Variants in ZFP28 observed in about 807,000 individuals in gnomAD.
The protein encoded by ZFP28 is ZFP28 zinc finger protein.
ZFP28 carries 31 observed loss-of-function variants against 39.5 expected under a neutral mutation model. That is an observed-to-expected ratio of 0.79 (90% CI 0.59 to 1.06). The LOEUF is 1.06. ZFP28 is among the 50% of genes least tolerant of loss of function. The pLI, the probability that ZFP28 is intolerant of heterozygous loss-of-function variation, is 0.00. For missense variants in ZFP28, 925 were observed against 1,048.4 expected (o/e 0.88, Z 1.63); for synonymous variants, 400 against 378.6 (o/e 1.06, Z -0.66).
At chr19:56,542,400 G>A (rs928365888) in intron 2 of ZFP28, among the ~76,000 whole-genome samples, 6 of 152,174 alleles carry the variant, frequency 3.9e-5, no homozygotes, top group Non-Finnish European at 8.8e-5. Context: ...GCAACCGCCC[G>A]CCTTGGGCTA....
intron 1 of ZFP28, 94 bp downstream of exon 1, chr19:56,539,320 C>A: frequency 1.6e-6 from 2 of 1,270,506 alleles, no homozygotes; most frequent in Non-Finnish European, 1.1e-6. Context: ...GGACCAGTTG[C>A]TGGAGAACTG....
Position 56,550,553 on chromosome 19 carries a change from A to G in ZFP28, c.846A>G (p.Gln282=), listed in dbSNP as rs763848643. 3 of 1,614,174 alleles carry G rather than the reference A, an allele frequency of 1.9e-6. No homozygotes were observed. The highest frequency in any genetic ancestry group is 2.5e-6 in the Non-Finnish European group (3 of 1,180,042). ...AKPDLVSLLE[Q]EKEPWMVKRE... is the part of the protein sequence containing the mutation. The stretch of plus-strand genomic sequence containing the variant: ...CAGATTTAGTCTCTTTACTAGAGCA[A>G]GAGAAGGAGCCCTGGATGGTGAAGC... The change falls in exon 7 of 8, where the codon CAA becomes CAG. Residue 282 remains glutamine (Q), a synonymous_variant. Transcript: ENST00000301318.
intron 7 of ZFP28, chr19:56,551,369 C>T (rs2044300820): frequency 3.0e-6 from 3 of 985,752 alleles, no homozygotes; most frequent in Non-Finnish European, 3.6e-6. Context: ...CACCTTAGAT[C>T]CATTTAAGTC....
chr19:56,547,569 A>G lies in ZFP28; in HGVS notation c.362A>G (p.Asn121Ser). Reference protein sequence around the residue: ...DFSQEEWEWLNPIQRNLYRKV... With the variant: ...DFSQEEWEWLSPIQRNLYRKV... ...TCCCAAGAGGAGTGGGAGTGGCTGA[A>G]CCCCATTCAGAGGAACTTGTACAGG... Residue 121 changes from asparagine to serine, a missense_variant, in exon 3 of 8, where the codon AAC (asparagine) becomes AGC (serine). Around this residue, in one of 2 missense-constraint regions of ZFP28, gnomAD observed 556 missense variants for 542.9 expected, o/e 1.02. Transcript: ENST00000301318. The surrounding 1 kb of genome is among the most constrained non-coding windows in gnomAD (Gnocchi z 4.6). 6.2e-7 allele frequency: 1 copy of G among 1,613,894 alleles called. No homozygotes were observed. The highest frequency in any genetic ancestry group is 8.5e-7 in the Non-Finnish European group (1 of 1,179,930).
chr19:56,554,503 A>C lies in ZFP28; in HGVS notation c.1718A>C (p.His573Pro). ...GTTTGCAGAAAAGCCTTCAGCCATCATGCATCACTCACTCAACATCAAAGA... is the reference window on the plus strand; with the variant it reads ...GTTTGCAGAAAAGCCTTCAGCCATCCTGCATCACTCACTCAACATCAAAGA... ...CDVCRKAFSH[H>P]ASLTQHQRVH... is the part of the protein sequence containing the mutation. Residue 573 changes from histidine (H) to proline (P), a missense_variant, in exon 8 of 8, where the codon CAT (histidine) becomes CCT (proline). This residue lies in a region of ZFP28 where 369 missense variants were observed against 505.5 expected (regional missense o/e 0.73). Coordinates refer to ENST00000301318, the MANE Select transcript of ZFP28 (RefSeq NM_020828.2). The surrounding 1 kb of genome is among the most constrained non-coding windows in gnomAD (Gnocchi z 6.7). The C allele has an allele frequency of 1.2e-6, 2 of 1,614,216 alleles. No homozygotes were observed. Among genetic ancestry groups the C allele is most frequent in the Non-Finnish European group, 1.7e-6 (2 of 1,180,040 alleles).
chr19:56,548,047 C>T, intron 4 of ZFP28, 145 bp downstream of exon 4: 1 of 659,138 alleles, frequency 1.5e-6, no homozygotes, highest in South Asian at 2.9e-5. Context: ...ACAGAAATTT[C>T]AACTACAGTA....
At chr19:56,550,001 T>TC in intron 5 of ZFP28, 66 bp from the exon 6 acceptor site, 1 of 1,345,574 alleles carries the variant, frequency 7.4e-7, no homozygotes, top group Non-Finnish European at 1.0e-6. Flanking sequence ...ACACAGTCCA[T>TC]CCCACTGAGA....
At chr19:56,551,409 G>A in intron 7 of ZFP28, 1 of 985,600 alleles carries the variant, frequency 1.0e-6, no homozygotes, top group Non-Finnish European at 1.2e-6. Context: ...TCACATAGTA[G>A]AAATTACAGT....
At position 56,555,396 on chromosome 19, in the gene ZFP28, C is replaced by G. The variant is rs753835189; in HGVS notation, c.*4C>G. ...ATCCTCCCTCCCATCACCATAGCCT[C>G]GAGACGTCATTTCTGTTTGACTACT... On this transcript the variant is annotated 3_prime_UTR_variant, in exon 8 of 8. Transcript: ENST00000301318. 78 of 1,594,422 alleles carry G rather than the reference C, an allele frequency of 4.9e-5. No individual in the cohort carries two copies. In the South Asian group the frequency reaches 8.7e-4, roughly 18 times the overall value.
chr19:56,549,178 C>T, intron 5 of ZFP28, 57 bp downstream of exon 5: 1 of 1,550,522 alleles, frequency 6.4e-7, no homozygotes, highest in Non-Finnish European at 8.7e-7. Context: ...GGAAACTCTT[C>T]TTGAGGGAAG....
At chr19:56,538,703 A>G (rs1331324286), upstream of ZFP28, 1 of 149,398 alleles carries the variant, frequency 6.7e-6, no homozygotes, top group South Asian at 2.1e-4. Flanking sequence ...CGCCGAGGCC[A>G]CGCCCGGTTC....
intron 2 of ZFP28, among the ~76,000 whole-genome samples, chr19:56,541,406 C>T (rs138395679): frequency 2.6e-5 from 4 of 152,336 alleles, no homozygotes; most frequent in Non-Finnish European, 5.9e-5. Context: ...TTACTGTGGG[C>T]TTCTTGACTG....
In ZFP28 at chr19:56,554,735, T is replaced by C; in HGVS notation, c.1950T>C (p.Cys650=). 6.2e-7 allele frequency: 1 copy of C among 1,614,150 alleles called. No individual in the cohort carries two copies. The highest frequency in any genetic ancestry group is 8.5e-7 in the Non-Finnish European group (1 of 1,180,028). Reference sequence around the variant, plus strand: ...AGAAGCCCTATGAATGTAAGGTTTGTAGTAAAGCGTTCACCCAGAAGGCTC... The same window carrying C: ...AGAAGCCCTATGAATGTAAGGTTTGCAGTAAAGCGTTCACCCAGAAGGCTC... ...TGEKPYECKV[C]SKAFTQKAHL... The change falls in exon 8 of 8, where the codon TGT becomes TGC. Residue 650 remains cysteine, a synonymous_variant. Transcript: ENST00000301318. This position sits in a 1 kb window ranked among gnomAD's most constrained non-coding sequence, Gnocchi z 6.7.
rs914930432 is a variant in ZFP28 at position 56,556,684 on chromosome 19, C to G, written c.*1292C>G. On this transcript the variant is annotated 3_prime_UTR_variant, in exon 8 of 8. Coordinates refer to ENST00000301318, the MANE Select transcript of ZFP28 (RefSeq NM_020828.2). ...TTTTATGAGGGCAATACAACTGTCA[C>G]ATCAGAAACAAGAAAACAAATGATA... 6 of 151,868 alleles carry G rather than the reference C, an allele frequency of 4.0e-5. No individual in the cohort carries two copies. The highest frequency in any genetic ancestry group is 1.5e-4 in the African/African-American group (6 of 41,302). 9.4% of individuals were successfully genotyped at this position (151,868 alleles called of 1,614,324 possible). A position where few individuals can be genotyped will look rare whatever the true frequency, so the allele number is the denominator to read the frequency against.
At chr19:56,550,956 T>A in intron 7 of ZFP28, 2 of 1,383,270 alleles carry the variant, frequency 1.4e-6, no homozygotes, top group South Asian at 3.3e-5. Flanking sequence ...CATGCATCCA[T>A]TCCTGTGAGA....
upstream of ZFP28, chr19:56,538,679 C>T (rs2044157650): frequency 1.3e-5 from 2 of 151,864 alleles, no homozygotes; most frequent in Middle Eastern, 6.8e-3. Context: ...GACTACGCTT[C>T]CCAGCGGGCA....
chr19:56,547,762 C>T lies in ZFP28; in HGVS notation c.428-45C>T, dbSNP rs749317976. On this transcript the variant is annotated intron_variant, in intron 3 of 7. Coordinates refer to ENST00000301318, the MANE Select transcript of ZFP28 (RefSeq NM_020828.2). This position sits in a 1 kb window ranked among gnomAD's most constrained non-coding sequence, Gnocchi z 4.6. Reference sequence around the variant, plus strand: ...CAAGCCAAGGGGACTGCATCTCAGTCTGGACAGCCACACAGTATGACCAGG... The same window carrying T: ...CAAGCCAAGGGGACTGCATCTCAGTTTGGACAGCCACACAGTATGACCAGG... The T allele has an allele frequency of 6.2e-7, 1 of 1,609,640 alleles. No individual in the cohort carries two copies. The highest frequency in any genetic ancestry group is 1.1e-5 in the South Asian group (1 of 90,790).
chr19:56,537,598 A>G (rs1304382725), upstream of ZFP28: 1 of 152,246 alleles, frequency 6.6e-6, no homozygotes, highest in East Asian at 1.9e-4. Flanking sequence ...GGTCCACCTG[A>G]CTGAAACTAA....
Position 56,553,984 on chromosome 19 carries a change from A to T in ZFP28, c.1199A>T (p.Asn400Ile). The stretch of plus-strand genomic sequence containing the variant: ...GTTCATAATCGTGATTCAATTAAAA[A>T]TTTTCAAAAAAGTTCAGTGGTAATA... ...EKVHNRDSIK[N>I]FQKSSVVIKQ... Residue 400 changes from asparagine (N) to isoleucine (I), a missense_variant, in exon 8 of 8, where the codon AAT (asparagine) becomes ATT (isoleucine). Physicochemically the swap from Asn to Ile is moderately radical, Grantham distance 149. This residue lies in a region of ZFP28 where 556 missense variants were observed against 542.9 expected (regional missense o/e 1.02). Transcript: ENST00000301318. The T allele has an allele frequency of 1.2e-6, 2 of 1,611,276 alleles. No homozygotes were observed. Among genetic ancestry groups the T allele is most frequent in the Non-Finnish European group, 1.7e-6 (2 of 1,179,358 alleles).
Sources: gnomAD v4.1 joint callset for allele counts (sites outside exome capture counted in the v4.1 genomes callset) on GRCh38, gnomAD v4.1.1 for gene constraint, gnomAD v4.1.1 regional missense constraint, Gnocchi (gnomAD v3.1) non-coding constraint, MANE v1.5 for transcripts, NCBI Gene and HGNC (gene_info 2026-07-23, HGNC 2026-07-21) for gene names.